The following EDIL3 variants were observed in gnomAD, a reference collection of about 807,000 sequenced individuals.
EDIL3 encodes the protein EGF-like repeat and discoidin I-like domain-containing protein 3.
EDIL3 carries 37 observed loss-of-function variants against 67.4 expected under a neutral mutation model. The ratio of observed to expected loss-of-function variants is 0.55; its 90% CI spans 0.42 to 0.72. EDIL3 has a LOEUF of 0.72. Among genes scored for constraint, EDIL3 ranks in the 30% least tolerant of loss-of-function variants. The probability of loss-of-function intolerance (pLI) is 0.00; values close to 1 mark genes in which losing one functional copy is unlikely to be tolerated. For synonymous variants in EDIL3, 195 were observed against 196.3 expected (o/e 0.99, Z 0.05); for missense variants, 527 against 586.3 (o/e 0.90, Z 1.04).
At chr5:84,073,471 C>T (rs1192564889) in intron 6 of EDIL3, among the ~76,000 whole-genome samples, 1 of 136,112 alleles carries the variant, frequency 7.3e-6, no homozygotes, top group Admixed American at 7.9e-5. Context: ...CCAAAATCTC[C>T]TTAAGCTGAT....
At chr5:84,112,313 C>A (rs190339099) in intron 5 of EDIL3, among the ~76,000 whole-genome samples, 3 of 151,748 alleles carry the variant, frequency 2.0e-5, no homozygotes, top group Admixed American at 2.0e-4. Context: ...GAAAGAGGGG[C>A]GGAGAAGAGG....
intron 9 of EDIL3, among the ~76,000 whole-genome samples, chr5:84,031,944 C>G (rs548072267): frequency 6.6e-6 from 1 of 152,286 alleles, no homozygotes; most frequent in Non-Finnish European, 1.5e-5. Flanking sequence ...TGAAGAGAAG[C>G]ACAAAAGTAG....
chr5:84,200,786 A>G (rs202094169), intron 3 of EDIL3, among the ~76,000 whole-genome samples: 3 of 152,074 alleles, frequency 2.0e-5, no homozygotes, highest in South Asian at 2.1e-4. Flanking sequence ...TAGTAAGTAA[A>G]CACTTTCTTT....
chr5:84,196,408 A>G (rs1228846372), intron 3 of EDIL3, among the ~76,000 whole-genome samples: 1 of 152,038 alleles, frequency 6.6e-6, no homozygotes, highest in African/African-American at 2.4e-5. Context: ...TGGGAACCAC[A>G]GTCCAATCCC....
intron 5 of EDIL3, among the ~76,000 whole-genome samples, chr5:84,114,305 G>A (rs759413892): frequency 6.6e-6 from 1 of 151,948 alleles, no homozygotes; most frequent in Non-Finnish European, 1.5e-5. Context: ...TTTAAGAAAG[G>A]GTGATTCGGG....
intron 1 of EDIL3, among the ~76,000 whole-genome samples, chr5:84,331,661 C>T (rs2112166417): frequency 6.6e-6 from 1 of 152,260 alleles, no homozygotes; most frequent in Admixed American, 6.5e-5. Context: ...TCGGGTATTT[C>T]TTCACAGCAG....
chr5:84,157,972 A>G (rs969530956), intron 4 of EDIL3, among the ~76,000 whole-genome samples: 7 of 152,150 alleles, frequency 4.6e-5, no homozygotes, highest in Non-Finnish European at 8.8e-5. Context: ...TGATAACCGG[A>G]ATCTATTACA....
chr5:83,953,384 G>A lies in EDIL3; in HGVS notation c.1294-9816C>T, dbSNP rs1580249923. On this transcript the variant is annotated intron_variant, in intron 10 of 10. Transcript: ENST00000296591. ...TGGGTCTTTTTTCTTTTCTTAATGA[G>A]TTGAGGGCATATTATTATTAAAATA... Among the ~76,000 whole-genome samples the A allele has an allele frequency of 2.0e-5, 3 of 151,680 alleles. No homozygotes were observed. In the East Asian group the frequency reaches 5.9e-4, roughly 30 times the overall value.
intron 1 of EDIL3, among the ~76,000 whole-genome samples, chr5:84,291,421 G>A (rs1745911961): frequency 6.6e-6 from 1 of 151,844 alleles, no homozygotes; most frequent in South Asian, 2.1e-4. Context: ...GAAAATATAG[G>A]TATATATCCT....
intron 1 of EDIL3, among the ~76,000 whole-genome samples, chr5:84,375,192 G>A (rs927504603): frequency 7.9e-5 from 12 of 151,944 alleles, no homozygotes; most frequent in African/African-American, 1.2e-4. Context: ...GGATGGTCTC[G>A]ATCTCTTGAC....
At chr5:84,331,269 T>C (rs1482492498) in intron 1 of EDIL3, among the ~76,000 whole-genome samples, 1 of 152,092 alleles carries the variant, frequency 6.6e-6, no homozygotes, top group Non-Finnish European at 1.5e-5. Context: ...GAAGGCATGA[T>C]TGTGTTTTGA....
At position 84,384,538 on chromosome 5, in the gene EDIL3, G is replaced by A; in HGVS notation, c.-164C>T. The A allele has an allele frequency of 1.1e-5, 7 of 626,762 alleles. No individual in the cohort carries two copies. The South Asian group carries it at 1.3e-4, about 11-fold the overall frequency. The allele number at this position is 626,762 out of a possible 1,614,324, so 38.8% of individuals were successfully genotyped here. A position where few individuals can be genotyped will look rare whatever the true frequency, so the allele number is the denominator to read the frequency against. ...TGTTAAACAAATTCTTGGAGAGGGC[G>A]AGAGTGGTGACTAAAGAGAGGAGCC... On this transcript the variant is annotated 5_prime_UTR_variant, in exon 1 of 11. Transcript: ENST00000296591.
chr5:84,170,108 A>G (rs1748787799), intron 4 of EDIL3, among the ~76,000 whole-genome samples: 1 of 152,212 alleles, frequency 6.6e-6, no homozygotes, highest in Non-Finnish European at 1.5e-5. Flanking sequence ...CCTCATGAAA[A>G]TTTATTCTCT....
intron 3 of EDIL3, among the ~76,000 whole-genome samples, chr5:84,183,480 A>T (rs889261244): frequency 2.6e-5 from 4 of 152,294 alleles, no homozygotes; most frequent in Middle Eastern, 3.4e-3. Flanking sequence ...ATTACAGTCA[A>T]AAATTATATA....
At chr5:84,218,143 T>C (rs1349682463) in intron 3 of EDIL3, among the ~76,000 whole-genome samples, 1 of 152,204 alleles carries the variant, frequency 6.6e-6, no homozygotes, top group African/African-American at 2.4e-5. Flanking sequence ...ATTAAGTCAC[T>C]TTTTTTCCCC....
At chr5:84,114,408 G>A (rs1168912364) in intron 5 of EDIL3, among the ~76,000 whole-genome samples, 1 of 152,074 alleles carries the variant, frequency 6.6e-6, no homozygotes, top group Non-Finnish European at 1.5e-5. Flanking sequence ...AGGTAAACAT[G>A]CACAACACAG....
chr5:84,248,440 A>G (rs950619453), intron 2 of EDIL3, among the ~76,000 whole-genome samples: 1 of 152,156 alleles, frequency 6.6e-6, no homozygotes, highest in Non-Finnish European at 1.5e-5. Context: ...TATCACTTAA[A>G]TATTGATGGC....
At chr5:84,313,382 A>C (rs1746443742) in intron 1 of EDIL3, among the ~76,000 whole-genome samples, 2 of 152,214 alleles carry the variant, frequency 1.3e-5, no homozygotes, top group African/African-American at 4.8e-5. Flanking sequence ...TACAGCAAGA[A>C]AAGAGACTAT....
chr5:84,212,942 C>T (rs562807566), intron 3 of EDIL3, among the ~76,000 whole-genome samples: 3 of 151,340 alleles, frequency 2.0e-5, no homozygotes, highest in Non-Finnish European at 4.4e-5. Context: ...CCTACCACTA[C>T]CCACCAAAGA....
Sources: gnomAD v4.1 joint callset for allele counts (sites outside exome capture counted in the v4.1 genomes callset) on GRCh38, gnomAD v4.1.1 for gene constraint, MANE v1.5 for transcripts, NCBI Gene and HGNC (gene_info 2026-07-23, HGNC 2026-07-21) for gene names.